Variants in AP3M2 observed in about 807,000 individuals in gnomAD.
AP3M2 encodes the protein adaptor related protein complex 3 subunit mu 2, also known as AP-3 complex subunit mu-2.
Under a neutral mutation model 41.6 loss-of-function variants are expected in AP3M2, and 28 were observed. The ratio of observed to expected loss-of-function variants is 0.67; its 90% CI spans 0.50 to 0.92. The LOEUF is 0.92. AP3M2 is among the 40% of genes least tolerant of loss of function. The pLI is 0.00. For missense variants in AP3M2, 427 were observed against 521.4 expected (o/e 0.82, Z 1.76); for synonymous variants, 193 against 186.4 (o/e 1.04, Z -0.29).
Position 42,167,653 on chromosome 8 carries a change from A to G in AP3M2, c.1012-13A>G, listed in dbSNP as rs753605538. On this transcript the variant is annotated splice_polypyrimidine_tract_variant and intron_variant, in intron 7 of 8. Coordinates refer to ENST00000396926, the MANE Select transcript of AP3M2 (RefSeq NM_006803.4). ...TTGGAAAGACCACTTCTCCATTTTT[A>G]TTTTCTTTGAAGATGCTGTCTTGGG... is the stretch of plus-strand genomic sequence containing the variant. 2.5e-6 allele frequency: 4 copies of G among 1,595,070 alleles called. No individual in the cohort carries two copies. In the East Asian group the frequency reaches 8.9e-5, roughly 36 times the overall value.
chr8:42,159,152 T>A (rs993395622), intron 3 of AP3M2, among the ~76,000 whole-genome samples: 13 of 152,356 alleles, frequency 8.5e-5, no homozygotes, highest in Admixed American at 4.6e-4. Flanking sequence ...AGTTACGTAC[T>A]GAATCCCTAT....
chr8:42,158,356 C>A (rs1392732294), intron 3 of AP3M2, among the ~76,000 whole-genome samples: 3 of 150,846 alleles, frequency 2.0e-5, no homozygotes, highest in Non-Finnish European at 2.9e-5. Context: ...TGAAGTGATT[C>A]TCCTGCCTCA....
rs376307595 is a variant in AP3M2, at chr8:42,170,499, G to T, written c.*1438G>T. 1.3e-5 allele frequency: 2 copies of T among 152,156 alleles called. No homozygotes were observed. Among genetic ancestry groups the T allele is most frequent in the Non-Finnish European group, 2.9e-5 (2 of 68,024 alleles). The allele number at this position is 152,156 out of a possible 1,614,324, so 9.4% of individuals were successfully genotyped here. A position where few individuals can be genotyped will look rare whatever the true frequency, so the allele number is the denominator to read the frequency against. On this transcript the variant is annotated 3_prime_UTR_variant, in exon 9 of 9. Transcript: ENST00000396926. ...TAAATATTTATACAAAAGGGTTTTT[G>T]TTTATAGCTTAAGGAATGATACTGT...
rs763417370 is a variant in AP3M2, at chr8:42,165,547, G to A, written c.790G>A (p.Val264Ile). The change falls in exon 6 of 9, where the codon GTC becomes ATC. Residue 264 changes from valine (V) to isoleucine (I), a missense_variant. Physicochemically the swap from Val to Ile is conservative, Grantham distance 29. This residue lies in a region of AP3M2 where 237 missense variants were observed against 284.9 expected (regional missense o/e 0.83). Transcript: ENST00000396926. Reference protein sequence around the residue: ...DGNFRLLSYHVSAQNLVAIPV... With the variant: ...DGNFRLLSYHISAQNLVAIPV... ...AAACTTCCGCCTGCTGTCTTACCAT[G>A]TCAGTGCACAGAAGTAAGCAGCTCT... is the stretch of plus-strand genomic sequence containing the variant. 1.9e-6 allele frequency: 3 copies of A among 1,614,140 alleles called. No homozygotes were observed. Among genetic ancestry groups the A allele is most frequent in the Non-Finnish European group, 2.5e-6 (3 of 1,180,006 alleles).
At chr8:42,157,874 A>AT in intron 2 of AP3M2, 67 bp from the exon 3 acceptor site, 1 of 1,475,000 alleles carries the variant, frequency 6.8e-7, no homozygotes, top group Non-Finnish European at 9.3e-7. Flanking sequence ...CTGTAGGCAC[A>AT]TTCTTTTATT....
chr8:42,165,037 A>C, intron 4 of AP3M2, 34 bp from the exon 5 acceptor site: 1 of 1,579,898 alleles, frequency 6.3e-7, no homozygotes, highest in South Asian at 1.1e-5. Context: ...AGTATTCAGT[A>C]ATCTGTGTTC....
At chr8:42,156,388 C>A (rs1428221802) in intron 2 of AP3M2, among the ~76,000 whole-genome samples, 1 of 152,140 alleles carries the variant, frequency 6.6e-6, no homozygotes, top group Admixed American at 6.6e-5. Flanking sequence ...TGTGGATGTG[C>A]ATCCTCTCCG....
chr8:42,161,886 C>G (rs1804514974), intron 3 of AP3M2, among the ~76,000 whole-genome samples: 1 of 151,960 alleles, frequency 6.6e-6, no homozygotes, highest in African/African-American at 2.4e-5. Flanking sequence ...ATAAATGTAC[C>G]TAAGAACCTA....
intron 3 of AP3M2, among the ~76,000 whole-genome samples, chr8:42,159,949 A>G (rs150894795): frequency 7.1e-4 from 108 of 152,350 alleles, no homozygotes; most frequent in Middle Eastern, 3.4e-3. Context: ...AAATATTCAT[A>G]CAGTAGACAT....
At chr8:42,157,199 A>G (rs1804377574) in intron 2 of AP3M2, among the ~76,000 whole-genome samples, 1 of 152,232 alleles carries the variant, frequency 6.6e-6, no homozygotes, top group Admixed American at 6.5e-5. Flanking sequence ...TACATTCATG[A>G]GCGTTAGTGT....
intron 3 of AP3M2, among the ~76,000 whole-genome samples, chr8:42,159,759 G>A (rs1246843062): frequency 1.3e-5 from 2 of 152,108 alleles, no homozygotes; most frequent in African/African-American, 4.8e-5. Context: ...TTTGGGTCTT[G>A]TTTAATGCAT....
intron 5 of AP3M2, 121 bp downstream of exon 5, chr8:42,165,277 T>C: frequency 6.9e-7 from 1 of 1,440,834 alleles, no homozygotes; most frequent in Non-Finnish European, 9.5e-7. Flanking sequence ...GAAGCTTGTC[T>C]CAGGCTTGAA....
intron 4 of AP3M2, among the ~76,000 whole-genome samples, chr8:42,164,649 A>G (rs572367719): frequency 6.6e-6 from 1 of 152,332 alleles, no homozygotes; most frequent in African/African-American, 2.4e-5. Flanking sequence ...TGTATAGAAT[A>G]AGAGACTGGG....
In AP3M2 at chr8:42,154,947, TG is replaced by T. The variant is rs762833054; in HGVS notation, c.262del (p.Asp88ThrfsTer14). ...LFVIEFLHRV[V>X]DTFQDYFGVC... The stretch of plus-strand genomic sequence containing the variant: ...GTCATTGAGTTTCTTCACCGAGTGG[TG>T]GACACATTTCAGGTTCGTGAATGTG... On this transcript the variant is annotated frameshift_variant, in exon 2 of 9. Coordinates refer to ENST00000396926, the MANE Select transcript of AP3M2 (RefSeq NM_006803.4). LOFTEE classifies it high-confidence loss of function. 2 of 1,613,926 alleles carry T rather than the reference TG, an allele frequency of 1.2e-6. No homozygotes were observed. Among genetic ancestry groups the T allele is most frequent in the Admixed American group, 3.3e-5 (2 of 60,008 alleles).
In AP3M2 at chr8:42,165,060, T is replaced by C. The variant is rs755705157; in HGVS notation, c.584-11T>C. On this transcript the variant is annotated splice_polypyrimidine_tract_variant and intron_variant, in intron 4 of 8. Coordinates refer to ENST00000396926, the MANE Select transcript of AP3M2 (RefSeq NM_006803.4). ...GTAATCTGTGTTCTTTTTGTCTTAT[T>C]CCTGTCTCAGGCTCCACAATTACTG... is the stretch of plus-strand genomic sequence containing the variant. The C allele has an allele frequency of 3.8e-5, 62 of 1,611,332 alleles. No homozygotes were observed. In the Admixed American group the frequency reaches 1.0e-3, roughly 27 times the overall value.
In AP3M2 at chr8:42,167,348, C is replaced by T. The variant is rs367918573; in HGVS notation, c.988C>T (p.His330Tyr). The change falls in exon 7 of 9, where the codon CAC becomes TAC. Residue 330 changes from histidine (H) to tyrosine (Y), a missense_variant. Physicochemically the swap from His to Tyr is moderately conservative, Grantham distance 83 (BLOSUM62 2). Coordinates refer to ENST00000396926, the MANE Select transcript of AP3M2 (RefSeq NM_006803.4). ...GAGCCTTACTCCATCACAGGGGACA[C>T]ACACATTCGACCCAGTCACAAAGGT... ...NMSLTPSQGT[H>Y]TFDPVTKMLS... is the part of the protein sequence containing the mutation. The T allele has an allele frequency of 2.5e-6, 4 of 1,614,080 alleles. No homozygotes were observed. The highest frequency in any genetic ancestry group is 1.3e-5 in the African/African-American group (1 of 74,922).
chr8:42,164,113 A>G (rs1804577975), intron 4 of AP3M2, among the ~76,000 whole-genome samples: 1 of 152,220 alleles, frequency 6.6e-6, no homozygotes, highest in Admixed American at 6.5e-5. Flanking sequence ...TAGTGCAATG[A>G]GGACAGAGAG....
rs568739742 is a variant in AP3M2 at position 42,170,842 on chromosome 8, C to T, written c.*1781C>T. On this transcript the variant is annotated 3_prime_UTR_variant, in exon 9 of 9. Transcript: ENST00000396926. ...AGGAACCTACAGGATTCTAAGGTTT[C>T]CTAGGTCACTGAACAACTAATCTTG... 1.3e-5 allele frequency: 2 copies of T among 152,352 alleles called. No individual in the cohort carries two copies. Among genetic ancestry groups the T allele is most frequent in the South Asian group, 4.1e-4 (2 of 4,830 alleles). The allele number at this position is 152,352 out of a possible 1,614,324, so 9.4% of individuals were successfully genotyped here.
At chr8:42,167,933 A>T (rs1236168643) in intron 8 of AP3M2, 123 bp downstream of exon 8, 10 of 1,223,194 alleles carry the variant, frequency 8.2e-6, no homozygotes, top group Non-Finnish European at 1.1e-5. Context: ...TTACCTGATA[A>T]ACAATCTTTA....
Sources: allele counts gnomAD v4.1 joint callset (sites outside exome capture counted in the v4.1 genomes callset), GRCh38; gene constraint gnomAD v4.1.1; regional missense constraint gnomAD v4.1.1; transcripts MANE v1.5; gene names NCBI Gene and HGNC (gene_info 2026-07-23, HGNC 2026-07-21).